Variants in ESR1 observed in about 807,000 individuals in gnomAD.
ESR1 encodes estrogen receptor 1, also known as estrogen receptor.
Under a neutral mutation model 52.7 loss-of-function variants are expected in ESR1, and 12 were observed. The ratio of observed to expected loss-of-function variants is 0.23; its 90% confidence interval spans 0.15 to 0.37. ESR1 has a LOEUF of 0.37. Among genes scored for constraint, ESR1 ranks in the 10% least tolerant of loss-of-function variants. The pLI is 1.00. For synonymous variants in ESR1, 305 were observed against 316.8 expected (o/e 0.96, Z 0.39); for missense variants, 584 against 779.7 (o/e 0.75, Z 2.99).
chr6:151,970,989 T>C (rs1166386998), intron 4 of ESR1, among the ~76,000 whole-genome samples: 1 of 152,194 alleles, frequency 6.6e-6, no homozygotes, highest in Non-Finnish European at 1.5e-5. Context: ...ACCAGAGTTG[T>C]TTGTGGACAT....
At chr6:151,776,070 C>T (rs1034672667) in intron 2 of ESR1, among the ~76,000 whole-genome samples, 1 of 151,962 alleles carries the variant, frequency 6.6e-6, no homozygotes, top group Non-Finnish European at 1.5e-5. Flanking sequence ...ATTTTTGTTG[C>T]GAGTAAAAAT....
At chr6:152,071,211 A>AATT (rs1268132358) in intron 6 of ESR1, among the ~76,000 whole-genome samples, 2 of 147,700 alleles carry the variant, frequency 1.4e-5, no homozygotes, top group Non-Finnish European at 3.0e-5. Context: ...ATCTGATGGT[A>AATT]AAGACAGATA....
intron 4 of ESR1, among the ~76,000 whole-genome samples, chr6:151,971,774 C>T (rs1320006247): frequency 6.6e-6 from 1 of 151,864 alleles, no homozygotes; most frequent in Non-Finnish European, 1.5e-5. Flanking sequence ...AAATCAAACC[C>T]AAACCCAGCA....
chr6:151,756,971 C>G (rs1412573104), intron 2 of ESR1, among the ~76,000 whole-genome samples: 1 of 152,050 alleles, frequency 6.6e-6, no homozygotes, highest in Non-Finnish European at 1.5e-5. Context: ...GCCTGGGCGA[C>G]AGAGCGAGAC....
intron 1 of ESR1, among the ~76,000 whole-genome samples, chr6:151,684,493 A>G (rs1778580105): frequency 6.6e-6 from 1 of 152,172 alleles, no homozygotes. Flanking sequence ...AACCAGACCA[A>G]TTAGGACACC....
At chr6:152,119,033 C>A (rs2051244258) in intron 6 of ESR1, among the ~76,000 whole-genome samples, 1 of 152,216 alleles carries the variant, frequency 6.6e-6, no homozygotes, top group Non-Finnish European at 1.5e-5. Flanking sequence ...AACAAGGAAC[C>A]TGTCCACTGG....
intron 2 of ESR1, among the ~76,000 whole-genome samples, chr6:151,749,298 T>A (rs962452959): frequency 6.6e-6 from 1 of 152,100 alleles, no homozygotes; most frequent in Admixed American, 6.5e-5. Context: ...GATTGTCATA[T>A]GGTAAGTGTA....
intron 5 of ESR1, among the ~76,000 whole-genome samples, chr6:152,013,997 T>C (rs573437638): frequency 6.6e-6 from 1 of 152,124 alleles, no homozygotes; most frequent in East Asian, 1.9e-4. Context: ...AACTGAAACA[T>C]AAGCAAAGGT....
intron 2 of ESR1, among the ~76,000 whole-genome samples, chr6:151,706,646 C>A (rs1387310239): frequency 1.3e-5 from 2 of 152,160 alleles, no homozygotes; most frequent in Admixed American, 6.5e-5. Flanking sequence ...ACCCCTGCAG[C>A]CTTGCTTGCC....
At chr6:151,985,473 A>G (rs1291162660) in intron 4 of ESR1, among the ~76,000 whole-genome samples, 3 of 130,158 alleles carry the variant, frequency 2.3e-5, no homozygotes, top group South Asian at 2.7e-4. Context: ...GCGCCACTGC[A>G]CTCTAGCTGG....
intron 3 of ESR1, among the ~76,000 whole-genome samples, chr6:151,901,236 G>A (rs1053282299): frequency 2.6e-5 from 4 of 152,138 alleles, no homozygotes; most frequent in African/African-American, 9.7e-5. Context: ...AAAGCCGGCA[G>A]TTACAGGCCT....
chr6:151,945,892 G>GTTA (rs966145142), intron 4 of ESR1, among the ~76,000 whole-genome samples: 25 of 152,268 alleles, frequency 1.6e-4, no homozygotes, highest in African/African-American at 5.5e-4. Context: ...ACCCAGCCTT[G>GTTA]TTAGAGGCCA....
chr6:151,921,348 G>A (rs111946189), intron 3 of ESR1, among the ~76,000 whole-genome samples: 9,605 of 152,166 alleles, frequency 0.063, 579 homozygotes, highest in African/African-American at 0.15. Flanking sequence ...TAGGCATTTG[G>A]TTTGATTCCA....
At chr6:152,109,417 G>A (rs190276256) in intron 6 of ESR1, among the ~76,000 whole-genome samples, 1 of 152,086 alleles carries the variant, frequency 6.6e-6, no homozygotes, top group African/African-American at 2.4e-5. Context: ...TGTAATCCCA[G>A]CACTTTGAGA....
At chr6:151,656,939 G>C (rs1359102234) in intron 1 of ESR1, among the ~76,000 whole-genome samples, 2 of 152,058 alleles carry the variant, frequency 1.3e-5, no homozygotes, top group African/African-American at 4.8e-5. Flanking sequence ...GGATATATAT[G>C]GGCACAATGG....
intron 2 of ESR1, chr6:151,702,088 G>A (rs1282556748): frequency 6.6e-6 from 1 of 152,156 alleles, no homozygotes; most frequent in Non-Finnish European, 1.5e-5. Context: ...TCATCAGTTT[G>A]GAGAACGATT....
At chr6:151,779,080 A>G (rs1478040388) in intron 2 of ESR1, among the ~76,000 whole-genome samples, 1 of 152,160 alleles carries the variant, frequency 6.6e-6, no homozygotes, top group Admixed American at 6.6e-5. Context: ...TTTGCTGTGC[A>G]GAAGCTCTTT....
chr6:151,995,865 A>C (rs1209503604), intron 4 of ESR1, among the ~76,000 whole-genome samples: 1 of 152,168 alleles, frequency 6.6e-6, no homozygotes, highest in African/African-American at 2.4e-5. Flanking sequence ...TTTACTCTTC[A>C]TGATAACCCT....
At chr6:152,052,186 T>A (rs1267060290) in intron 5 of ESR1, among the ~76,000 whole-genome samples, 5 of 152,088 alleles carry the variant, frequency 3.3e-5, no homozygotes, top group African/African-American at 1.2e-4. Context: ...CGACCTGCTC[T>A]CCCATAAACT....
Sources: gnomAD v4.1 joint callset for allele counts (sites outside exome capture counted in the v4.1 genomes callset) on GRCh38, gnomAD v4.1.1 for gene constraint, MANE v1.5 for transcripts, NCBI Gene and HGNC (gene_info 2026-07-23, HGNC 2026-07-21) for gene names.